The following HNRNPU variants were observed in gnomAD, a reference collection of about 807,000 sequenced individuals.
The protein encoded by HNRNPU is heterogeneous nuclear ribonucleoprotein U, also known as HNRNPU antisense RNA 1.
In HNRNPU, 5 loss-of-function variants were observed where a neutral mutation model predicts 94.7. The ratio of observed to expected loss-of-function variants is 0.05; its 90% CI spans 0.03 to 0.11. HNRNPU has a LOEUF of 0.11. Ranked by LOEUF, HNRNPU falls within the 10% of genes least tolerant of loss-of-function variation. The pLI, the probability that HNRNPU is intolerant of heterozygous loss-of-function variation, is 1.00. For synonymous variants in HNRNPU, 434 were observed against 381.6 expected, an observed-to-expected ratio of 1.14 and a Z score of -1.60; for missense variants, 710 against 1,049.2, an observed-to-expected ratio of 0.68 and a Z score of 4.47.
intron 9 of HNRNPU, 49 bp from the exon 10 acceptor site, chr1:244,856,674 CCAAT>C: frequency 5.0e-6 from 8 of 1,607,868 alleles, no homozygotes; most frequent in Non-Finnish European, 6.8e-6. Flanking sequence ...TAATTCTACA[CCAAT>C]CTATCTAAAT....
rs1402275310 is a variant in HNRNPU, at chr1:244,852,436, A to T, written c.*2014T>A. On this transcript the variant is annotated 3_prime_UTR_variant, in exon 14 of 14. Coordinates refer to ENST00000640218, the MANE Select transcript of HNRNPU (RefSeq NM_031844.3). ...AATTTTAAACTAGAAGATATATCCA[A>T]AACTTTTTAAAGGCACAAAGGACAA... 1.3e-5 allele frequency: 2 copies of T among 152,202 alleles called. No homozygotes were observed. Among genetic ancestry groups the T allele is most frequent in the Non-Finnish European group, 2.9e-5 (2 of 68,022 alleles). 9.4% of individuals were successfully genotyped at this position (152,202 alleles called of 1,614,324 possible).
At chr1:244,863,585 C>T (rs760808450) in intron 1 of HNRNPU, 32 bp downstream of exon 1, 6 of 1,394,870 alleles carry the variant, frequency 4.3e-6, no homozygotes, top group Non-Finnish European at 3.7e-6. Flanking sequence ...CGCGGGCCTC[C>T]CGCCGCGCGC....
In HNRNPU at chr1:244,856,139, C is replaced by G; in HGVS notation, c.1932G>C (p.Glu644Asp). Residue 644 changes from glutamate (E) to aspartate (D), a missense_variant, in exon 11 of 14, where the codon GAG (glutamate) becomes GAC (aspartate). Physicochemically the swap from Glu to Asp is conservative, Grantham distance 45. Coordinates refer to ENST00000640218, the MANE Select transcript of HNRNPU (RefSeq NM_031844.3). The stretch of plus-strand genomic sequence containing the variant: ...TTATTTCATCAAAGCACTCAGCTAC[C>G]TCTGGGAGGGTAAAGTTTCCTGCAG... ...LKMKGNFTLPEVAECFDEITY... is the reference protein window; with the variant it reads ...LKMKGNFTLPDVAECFDEITY... The G allele has an allele frequency of 6.2e-7, 1 of 1,608,800 alleles. No individual in the cohort carries two copies. The highest frequency in any genetic ancestry group is 8.5e-7 in the Non-Finnish European group (1 of 1,178,568).
chr1:244,864,277 G>A lies in HNRNPU; in HGVS notation c.31C>T (p.Leu11=). 6.2e-7 allele frequency: 1 copy of A among 1,613,250 alleles called. No homozygotes were observed. The highest frequency in any genetic ancestry group is 8.5e-7 in the Non-Finnish European group (1 of 1,179,780). The change falls in exon 1 of 14, where the codon CTG becomes TTG. Residue 11 remains leucine, a synonymous_variant. Transcript: ENST00000640218. ...TCCTCTTTCAGCTCCGACACCTTCA[G>A]CTTTTTTACATTAACAGGCGAGGAA... MSSSPVNVKK[L]KVSELKEELK...
chr1:244,863,046 G>GGCGCTCCCCTCCCCCGCGGGCCC (rs951845592), intron 1 of HNRNPU: 1 of 322,454 alleles, frequency 3.1e-6, no homozygotes, highest in Non-Finnish European at 5.7e-6. Context: ...CCGGCGCGGC[G>GGCGCTCCCCTCCCCCGCGGGCCC]GCGCTCCCCT....
intron 6 of HNRNPU, chr1:244,858,477 G>A: frequency 3.3e-6 from 2 of 613,152 alleles, no homozygotes; most frequent in African/African-American, 3.7e-5. Flanking sequence ...AAACAATACT[G>A]ACCTAGAAGC....
intron 10 of HNRNPU, 75 bp downstream of exon 10, chr1:244,856,382 C>CA (rs1558186492): frequency 6.9e-7 from 1 of 1,444,928 alleles, no homozygotes; most frequent in African/African-American, 1.4e-5. Flanking sequence ...AACATAGTTA[C>CA]ACAAGCAGAA....
intron 3 of HNRNPU, 169 bp from the exon 4 acceptor site, chr1:244,860,643 A>T (rs1420401297): frequency 5.0e-6 from 3 of 604,380 alleles, no homozygotes; most frequent in Non-Finnish European, 8.9e-6. Context: ...ACTCCCACCA[A>T]GTCACTCCTG....
At chr1:244,862,364 A>C (rs1289911169) in intron 3 of HNRNPU, 97 bp downstream of exon 3, 5 of 821,982 alleles carry the variant, frequency 6.1e-6, no homozygotes, top group Non-Finnish European at 9.7e-6. Flanking sequence ...AAACTAACCC[A>C]AGTTTTGCTG....
chr1:244,862,395 TAAAAAAA>T (rs56937404), intron 3 of HNRNPU, 59 bp downstream of exon 3: 2 of 798,306 alleles, frequency 2.5e-6, no homozygotes, highest in Non-Finnish European at 3.8e-6. Context: ...TTAAGACTTC[TAAAAAAA>T]AAAAAAAAAA....
Position 244,854,362 on chromosome 1 carries a change from T to A in HNRNPU, c.*88A>T, listed in dbSNP as rs1231429350. On this transcript the variant is annotated 3_prime_UTR_variant, in exon 14 of 14. Transcript: ENST00000640218. Reference sequence around the variant, plus strand: ...CCCGCAGGCACTTCCTCTTGTGGAATGTTTAAAAAGTTAGCCTACTAAAGA... The same window carrying A: ...CCCGCAGGCACTTCCTCTTGTGGAAAGTTTAAAAAGTTAGCCTACTAAAGA... 4.5e-6 allele frequency: 4 copies of A among 884,500 alleles called. No individual in the cohort carries two copies. Among genetic ancestry groups the A allele is most frequent in the Non-Finnish European group, 7.5e-6 (4 of 529,824 alleles). 54.8% of individuals were successfully genotyped at this position (884,500 alleles called of 1,614,324 possible).
In HNRNPU at chr1:244,857,243, TTTTC is replaced by T. The variant is rs1180596088; in HGVS notation, c.1614+351_1614+354del. ...AATACCTCCCGGTCTATAATTTTTC[TTTTC>T]TTTTTTTTTTTTTTCTGAGACGGAG... On this transcript the variant is annotated intron_variant, in intron 8 of 13. Transcript: ENST00000640218. 4.5e-3 allele frequency: 985 copies of T among 221,092 alleles called. 4 individuals are homozygous for T. Among genetic ancestry groups the T allele is most frequent in the Non-Finnish European group, 6.9e-3 (805 of 116,426 alleles). 13.7% of individuals were successfully genotyped at this position (221,092 alleles called of 1,614,324 possible).
chr1:244,855,076 G>T, intron 12 of HNRNPU, 32 bp from the exon 13 acceptor site: 1 of 1,546,662 alleles, frequency 6.5e-7, no homozygotes, highest in South Asian at 1.1e-5. Context: ...TAAGAGCTCT[G>T]AGCCCAATTG....
chr1:244,864,302 A>C lies in HNRNPU; in HGVS notation c.6T>G (p.Ser2Arg), dbSNP rs1680942375. 1 of 1,612,370 alleles carries C rather than the reference A, an allele frequency of 6.2e-7. No individual in the cohort carries two copies. Among genetic ancestry groups the C allele is most frequent in the South Asian group, 1.1e-5 (1 of 91,044 alleles). MSSSPVNVKKLK... is the reference protein window; with the variant it reads MRSSPVNVKKLK... Reference sequence around the variant, plus strand: ...GCTTTTTTACATTAACAGGCGAGGAACTCATGGTGAGGGCCCCGATTCACC... The same window carrying C: ...GCTTTTTTACATTAACAGGCGAGGACCTCATGGTGAGGGCCCCGATTCACC... The change falls in exon 1 of 14, where the codon AGT becomes AGG. Residue 2 changes from serine (S) to arginine (R), a missense_variant. Physicochemically the swap from Ser to Arg is moderately radical, Grantham distance 110. This residue lies in a region of HNRNPU where 19 missense variants were observed against 47.7 expected (regional missense o/e 0.40). Transcript: ENST00000640218.
Position 244,864,463 on chromosome 1 carries a change from C to A in HNRNPU, c.-156G>T. On this transcript the variant is annotated 5_prime_UTR_variant, in exon 1 of 14. Coordinates refer to ENST00000640218, the MANE Select transcript of HNRNPU (RefSeq NM_031844.3). ...GCTGCAGAGCGGATCCGCCTGGTGT[C>A]GAACGGCGCCAATTCCTTTCACCGA... 1 of 1,295,304 alleles carries A rather than the reference C, an allele frequency of 7.7e-7. No individual in the cohort carries two copies. The highest frequency in any genetic ancestry group is 1.0e-6 in the Non-Finnish European group (1 of 959,414). The allele number at this position is 1,295,304 out of a possible 1,614,324, so 80.2% of individuals were successfully genotyped here.
intron 10 of HNRNPU, 112 bp downstream of exon 10, chr1:244,856,345 T>C: frequency 7.9e-7 from 1 of 1,260,492 alleles, no homozygotes; most frequent in African/African-American, 1.5e-5. Flanking sequence ...ATGTTAACTT[T>C]CAGGAGGCCT....
At chr1:244,861,578 T>G (rs985698886) in intron 3 of HNRNPU, 1 of 152,308 alleles carries the variant, frequency 6.6e-6, no homozygotes, top group Non-Finnish European at 1.5e-5. Context: ...TAAAGCCAAT[T>G]TGTACAAGAA....
At position 244,855,546 on chromosome 1, in the gene HNRNPU, C is replaced by T; in HGVS notation, c.2230G>A (p.Gly744Arg). The part of the protein sequence containing the change: ...GNMPQRGGGG[G>R]GSGGIGYPYP... ...GGATAGCCGATTCCACCACTTCCTC[C>T]ACCGCCACCACCTCTCTGTGGCATG... is the stretch of plus-strand genomic sequence containing the variant. The change falls in exon 12 of 14, where the codon GGA (glycine) becomes AGA (arginine). Residue 744 changes from glycine to arginine, a missense_variant. Gly to Arg is a moderately radical substitution (Grantham distance 125). Coordinates refer to ENST00000640218, the MANE Select transcript of HNRNPU (RefSeq NM_031844.3). 6.2e-7 allele frequency: 1 copy of T among 1,614,074 alleles called. No homozygotes were observed.
chr1:244,857,915 A>C (rs1273123184), intron 7 of HNRNPU, 96 bp downstream of exon 7: 13 of 1,359,616 alleles, frequency 9.6e-6, no homozygotes, highest in Non-Finnish European at 1.2e-5. Flanking sequence ...GCACAAAGTA[A>C]ATGAAACAGA....
Sources: allele counts gnomAD v4.1 joint callset, GRCh38; gene constraint gnomAD v4.1.1; regional missense constraint gnomAD v4.1.1; transcripts MANE v1.5; gene names NCBI Gene and HGNC (gene_info 2026-07-23, HGNC 2026-07-21).